Variants in PRSS12 observed in about 807,000 individuals in gnomAD.
PRSS12 encodes neurotrypsin.
PRSS12 carries 85 observed loss-of-function variants against 104.4 expected under a neutral mutation model. That is an observed-to-expected ratio of 0.81 (90% CI 0.68 to 0.98). The LOEUF (loss-of-function observed/expected upper bound fraction) is 0.98, where lower values mean the gene tolerates loss of function less well. Ranked by LOEUF, PRSS12 falls within the 50% of genes least tolerant of loss-of-function variation. The pLI, the probability that PRSS12 is intolerant of heterozygous loss-of-function variation, is 0.00. For missense variants in PRSS12, 1,141 were observed against 1,139.2 expected (o/e 1.00, Z -0.02); for synonymous variants, 454 against 425.2 (o/e 1.07, Z -0.83).
intron 11 of PRSS12, among the ~76,000 whole-genome samples, chr4:118,283,548 C>G (rs1742945080): frequency 6.6e-6 from 1 of 152,196 alleles, no homozygotes; most frequent in Admixed American, 6.5e-5. Context: ...TTCACTCTTG[C>G]AAGGTGGACT....
At chr4:118,352,102 G>GCAAGCCCACAACCC in intron 1 of PRSS12, 117 bp downstream of exon 1, 1 of 1,434,978 alleles carries the variant, frequency 7.0e-7, no homozygotes. Flanking sequence ...GCCCGCAAAC[G>GCAAGCCCACAACCC]CAAGCCCACA....
At chr4:118,299,812 T>A (rs28835084) in intron 8 of PRSS12, among the ~76,000 whole-genome samples, 7,205 of 79,964 alleles carry the variant, frequency 0.09, 379 homozygotes, top group Non-Finnish European at 0.13. Flanking sequence ...ATAAAATAAA[T>A]AAAATAAAAT....
At chr4:118,344,232 T>C (rs1477973395) in intron 1 of PRSS12, among the ~76,000 whole-genome samples, 1 of 152,164 alleles carries the variant, frequency 6.6e-6, no homozygotes, top group Non-Finnish European at 1.5e-5. Flanking sequence ...TAATACTATG[T>C]CTTATACCAA....
intron 6 of PRSS12, among the ~76,000 whole-genome samples, chr4:118,313,853 CTATACCTAA>C (rs1484904106): frequency 6.6e-6 from 1 of 152,144 alleles, no homozygotes; most frequent in Non-Finnish European, 1.5e-5. Context: ...TGCTCAAGCA[CTATACCTAA>C]TCCATGATTA....
chr4:118,319,509 G>A (rs1301416200), intron 4 of PRSS12, among the ~76,000 whole-genome samples: 3 of 152,188 alleles, frequency 2.0e-5, no homozygotes, highest in East Asian at 3.8e-4. Context: ...TGACAGAAAT[G>A]CAAACAAGAG....
Position 118,335,637 on chromosome 4 carries a change from G to T in PRSS12, c.656C>A (p.Ala219Glu). 6.2e-7 allele frequency: 1 copy of T among 1,613,784 alleles called. No homozygotes were observed. The highest frequency in any genetic ancestry group is 8.5e-7 in the Non-Finnish European group (1 of 1,179,874). ...CAGTCCAGAAAACGGGGTTTGTTTT[G>T]CTATTCCTTTTCCTCTGGAAGTACA... ...HQLQLGGKGIAKQTPFSGLGL... is the reference protein window; with the variant it reads ...HQLQLGGKGIEKQTPFSGLGL... Residue 219 changes from alanine to glutamate, a missense_variant, in exon 3 of 13, where the codon GCA becomes GAA. Coordinates refer to ENST00000296498, the MANE Select transcript of PRSS12 (RefSeq NM_003619.4).
chr4:118,326,632 C>G (rs1386563689), intron 4 of PRSS12, among the ~76,000 whole-genome samples: 1 of 152,180 alleles, frequency 6.6e-6, no homozygotes, highest in African/African-American at 2.4e-5. Context: ...TCTCTCTTGA[C>G]TTCCTTATTT....
intron 1 of PRSS12, among the ~76,000 whole-genome samples, chr4:118,348,581 A>G (rs1724412566): frequency 1.3e-5 from 2 of 152,096 alleles, no homozygotes; most frequent in Admixed American, 1.3e-4. Context: ...ACAAGTCCCA[A>G]GGTGTTTCTA....
At chr4:118,343,919 TTAAA>T (rs1485223850) in intron 1 of PRSS12, among the ~76,000 whole-genome samples, 1 of 152,218 alleles carries the variant, frequency 6.6e-6, no homozygotes, top group Non-Finnish European at 1.5e-5. Flanking sequence ...AAATCTTTTT[TTAAA>T]AAATCACAGT....
In PRSS12 at chr4:118,335,581, G is replaced by A. The variant is rs367867526; in HGVS notation, c.712C>T (p.Arg238Cys). 1.1e-5 allele frequency: 17 copies of A among 1,613,818 alleles called. No individual in the cohort carries two copies. Among genetic ancestry groups the A allele is most frequent in the African/African-American group, 5.3e-5 (4 of 74,890 alleles). ...GLIPIYWSNV[R>C]CRGDEENILL... ...ATATTTTCTTCATCTCCTCGGCAAC[G>A]GACATTGCTCCAATAAATGGGAATA... Residue 238 changes from arginine (R) to cysteine (C), a missense_variant, in exon 3 of 13, where the codon CGT (arginine) becomes TGT (cysteine). Physicochemically the swap from Arg to Cys is radical, Grantham distance 180 (BLOSUM62 -3). Coordinates refer to ENST00000296498, the MANE Select transcript of PRSS12 (RefSeq NM_003619.4).
chr4:118,352,848 G>C lies in PRSS12; in HGVS notation c.-128C>G. 4.0e-6 allele frequency: 6 copies of C among 1,490,052 alleles called. No homozygotes were observed. The highest frequency in any genetic ancestry group is 5.4e-6 in the Non-Finnish European group (6 of 1,119,998). The allele number at this position is 1,490,052 out of a possible 1,614,324, so 92.3% of individuals were successfully genotyped here. A position where few individuals can be genotyped will look rare whatever the true frequency, so the allele number is the denominator to read the frequency against. On this transcript the variant is annotated 5_prime_UTR_variant, in exon 1 of 13. Transcript: ENST00000296498. ...CCAGCCCCCTCCCGCCCCCGCACGC[G>C]GACCGCCCTCGCCTCCCCAACCTTG...
chr4:118,288,065 G>T (rs1743050086), intron 11 of PRSS12, among the ~76,000 whole-genome samples: 1 of 152,158 alleles, frequency 6.6e-6, no homozygotes, highest in Admixed American at 6.5e-5. Flanking sequence ...AATTAATTCA[G>T]GTTGCAGGGT....
intron 7 of PRSS12, among the ~76,000 whole-genome samples, chr4:118,309,102 G>GA (rs145198443): frequency 0.03 from 4,411 of 145,056 alleles, 95 homozygotes; most frequent in African/African-American, 0.06. Flanking sequence ...AAAAGAAAAA[G>GA]AAAAAAAAAA....
At chr4:118,287,387 C>T (rs1743038029) in intron 11 of PRSS12, among the ~76,000 whole-genome samples, 2 of 152,136 alleles carry the variant, frequency 1.3e-5, no homozygotes, top group African/African-American at 4.8e-5. Flanking sequence ...TGGGCTCAAG[C>T]GATCTGCCTG....
chr4:118,308,616 T>C, intron 7 of PRSS12, 39 bp from the exon 8 acceptor site: 2 of 1,605,290 alleles, frequency 1.2e-6, no homozygotes, highest in African/African-American at 1.3e-5. Context: ...AGCCCAAACA[T>C]GCAAACTGAT....
chr4:118,313,321 C>T lies in PRSS12; in HGVS notation c.1369G>A (p.Gly457Arg). 6.2e-7 allele frequency: 1 copy of T among 1,614,100 alleles called. No homozygotes were observed. The highest frequency in any genetic ancestry group is 8.5e-7 in the Non-Finnish European group (1 of 1,180,008). The change falls in exon 7 of 13, where the codon GGA (glycine) becomes AGA (arginine). Residue 457 changes from glycine to arginine, a missense_variant. Physicochemically the swap from Gly to Arg is moderately radical, Grantham distance 125. Transcript: ENST00000296498. Reference sequence around the variant, plus strand: ...CACTGAAGAAATCTGGTTTCCTTTCCTGAGCAGCTGACGTCATCCAACCAT... The same window carrying T: ...CACTGAAGAAATCTGGTTTCCTTTCTTGAGCAGCTGACGTCATCCAACCAT... ...PIWLDDVSCS[G>R]KETRFLQCSR...
intron 7 of PRSS12, among the ~76,000 whole-genome samples, chr4:118,312,493 C>G (rs1215624529): frequency 2.6e-5 from 4 of 152,088 alleles, no homozygotes; most frequent in African/African-American, 7.2e-5. Flanking sequence ...CCCTCCTCAT[C>G]AGACATTAAG....
chr4:118,352,890 C>G lies in PRSS12; in HGVS notation c.-170G>C. On this transcript the variant is annotated 5_prime_UTR_variant, in exon 1 of 13. Coordinates refer to ENST00000296498, the MANE Select transcript of PRSS12 (RefSeq NM_003619.4). ...CCAACCTTGCCTCCCGCCGCTGGTG[C>G]CCTGCCGCGCCTCGGCTCCTGTCCC... 1 of 1,407,478 alleles carries G rather than the reference C, an allele frequency of 7.1e-7. No homozygotes were observed. Among genetic ancestry groups the G allele is most frequent in the Middle Eastern group, 2.6e-4 (1 of 3,842 alleles). The allele number at this position is 1,407,478 out of a possible 1,614,324, so 87.2% of individuals were successfully genotyped here.
chr4:118,327,071 T>G (rs1332497807), intron 4 of PRSS12, among the ~76,000 whole-genome samples: 4 of 152,232 alleles, frequency 2.6e-5, no homozygotes, highest in Non-Finnish European at 4.4e-5. Context: ...GGGCTGCATA[T>G]GGCCTGCGGG....
Sources: allele counts gnomAD v4.1 joint callset (sites outside exome capture counted in the v4.1 genomes callset), GRCh38; gene constraint gnomAD v4.1.1; transcripts MANE v1.5; gene names NCBI Gene and HGNC (gene_info 2026-07-23, HGNC 2026-07-21).